Variants in LRP5 observed in about 807,000 individuals in gnomAD.
LRP5 encodes low-density lipoprotein receptor-related protein 5.
A neutral mutation model predicts 154.1 loss-of-function variants in LRP5; 62 were observed. The observed-to-expected ratio is 0.40, with a 90% CI of 0.33 to 0.50. LRP5 has a LOEUF of 0.50. Ranked by LOEUF, LRP5 falls within the 20% of genes least tolerant of loss-of-function variation. LRP5 has a pLI of 0.55. For missense variants in LRP5, 1,915 were observed against 2,336.7 expected (o/e 0.82, Z 3.72); for synonymous variants, 966 against 1,011.5 (o/e 0.96, Z 0.85).
At chr11:68,384,838 G>T (rs547454491) in intron 5 of LRP5, among the ~76,000 whole-genome samples, 1 of 152,228 alleles carries the variant, frequency 6.6e-6, no homozygotes, top group Non-Finnish European at 1.5e-5. Flanking sequence ...GGGGGTCTCC[G>T]TGCGTCCTGT....
At chr11:68,324,771 C>T (rs1425961677) in intron 1 of LRP5, among the ~76,000 whole-genome samples, 6 of 152,240 alleles carry the variant, frequency 3.9e-5, no homozygotes, top group Non-Finnish European at 8.8e-5. Context: ...CACTTGGCTT[C>T]CCAGTGTCGA....
intron 22 of LRP5, 49 bp downstream of exon 22, chr11:68,446,582 C>G (rs376141676): frequency 2.0e-6 from 3 of 1,491,102 alleles, no homozygotes; most frequent in Non-Finnish European, 1.9e-6. Context: ...CCCGCCAGCC[C>G]GTGGTGGAGG....
At chr11:68,339,351 T>C (rs558594934) in intron 1 of LRP5, among the ~76,000 whole-genome samples, 1 of 151,854 alleles carries the variant, frequency 6.6e-6, no homozygotes, top group East Asian at 1.9e-4. Flanking sequence ...CTGGCTAATT[T>C]TTTCTTTTTT....
chr11:68,325,072 C>T (rs1182170313), intron 1 of LRP5, among the ~76,000 whole-genome samples: 1 of 152,200 alleles, frequency 6.6e-6, no homozygotes, highest in Non-Finnish European at 1.5e-5. Flanking sequence ...GGACTATAGC[C>T]CAGAGCGGGA....
rs762600156 is a variant in LRP5 at position 68,423,623 on chromosome 11, C to T, written c.3162C>T (p.Ser1054=). The part of the protein sequence containing the change: ...ATNTINVHRL[S]GEAMGVVLRG... ...ATACCATCAACGTCCACAGGCTGAG[C>T]GGGGAAGCCATGGGGGTGGTGCTGC... The change falls in exon 14 of 23, where the codon AGC becomes AGT. Residue 1054 remains serine, a synonymous_variant. Coordinates refer to ENST00000294304, the MANE Select transcript of LRP5 (RefSeq NM_002335.4). The surrounding 1 kb of genome is among the most constrained non-coding windows in gnomAD (Gnocchi z 4.7). 8 of 1,614,134 alleles carry T rather than the reference C, an allele frequency of 5.0e-6. 1 individual carries two copies. The highest frequency in any genetic ancestry group is 2.2e-5 in the South Asian group (2 of 91,086).
intron 1 of LRP5, among the ~76,000 whole-genome samples, chr11:68,326,627 C>A (rs1359597138): frequency 6.6e-6 from 1 of 152,256 alleles, no homozygotes; most frequent in Admixed American, 6.5e-5. Flanking sequence ...CCAGATGGGG[C>A]CTCTGAAGTG....
At chr11:68,389,281 A>G (rs1159527357) in intron 6 of LRP5, among the ~76,000 whole-genome samples, 7 of 118,020 alleles carry the variant, frequency 5.9e-5, no homozygotes, top group African/African-American at 1.3e-4. Flanking sequence ...GACATTTACC[A>G]ACACTGACAT....
intron 17 of LRP5, among the ~76,000 whole-genome samples, chr11:68,432,978 G>A (rs2098672782): frequency 6.6e-6 from 1 of 152,236 alleles, no homozygotes; most frequent in South Asian, 2.1e-4. Flanking sequence ...CCCTCCCCGG[G>A]GGTGTCCTCA....
intron 21 of LRP5, among the ~76,000 whole-genome samples, chr11:68,441,297 C>A (rs773445537): frequency 1.3e-4 from 19 of 150,450 alleles, no homozygotes; most frequent in Non-Finnish European, 2.7e-4. Flanking sequence ...AGGCTGGTCT[C>A]CAACTCCTGG....
intron 5 of LRP5, among the ~76,000 whole-genome samples, chr11:68,372,218 G>A (rs1306422970): frequency 2.6e-5 from 4 of 151,904 alleles, no homozygotes; most frequent in African/African-American, 4.8e-5. Flanking sequence ...ACCCGGGACC[G>A]TGGCGGTGAG....
chr11:68,302,140 TGAG>T, the LRP5 span, among the ~76,000 whole-genome samples: 1 of 150,954 alleles, frequency 6.6e-6, no homozygotes, highest in African/African-American at 2.4e-5. Context: ...GCAGATCACT[TGAG>T]GTCAGGAGTT....
intron 7 of LRP5, among the ~76,000 whole-genome samples, chr11:68,391,328 C>T (rs749065710): frequency 1.4e-4 from 21 of 152,198 alleles, no homozygotes; most frequent in Non-Finnish European, 2.2e-4. Context: ...GTGTCCCCAT[C>T]GCACCATCGT....
chr11:68,354,357 G>T (rs571106536), intron 2 of LRP5, among the ~76,000 whole-genome samples: 3 of 152,286 alleles, frequency 2.0e-5, no homozygotes, highest in Admixed American at 2.0e-4. Flanking sequence ...TATGAAACTC[G>T]GGGAAGGAAT....
chr11:68,328,696 C>T (rs1240832046), intron 1 of LRP5, among the ~76,000 whole-genome samples: 2 of 152,262 alleles, frequency 1.3e-5, no homozygotes, highest in African/African-American at 4.8e-5. Flanking sequence ...GTCCCTGGAT[C>T]CGTGCGTTTG....
chr11:68,425,097 C>T lies in LRP5; in HGVS notation c.3237-5C>T, dbSNP rs376163277. The T allele has an allele frequency of 2.0e-4, 323 of 1,613,268 alleles. No individual in the cohort carries two copies. The highest frequency in any genetic ancestry group is 2.6e-4 in the Non-Finnish European group (301 of 1,179,888). On this transcript the variant is annotated splice_polypyrimidine_tract_variant and splice_region_variant and intron_variant, in intron 14 of 22. Transcript: ENST00000294304. Reference sequence around the variant, plus strand: ...ACCCGTCCTTCACCCGCCACCCTCCCGCAGGTACCTGTACTTCACCAACAT... The same window carrying T: ...ACCCGTCCTTCACCCGCCACCCTCCTGCAGGTACCTGTACTTCACCAACAT...
At chr11:68,409,854 A>T (rs1198803639) in intron 9 of LRP5, 60 bp from the exon 10 acceptor site, 16 of 1,368,580 alleles carry the variant, frequency 1.2e-5, no homozygotes, top group Non-Finnish European at 1.7e-5. Context: ...CCGTCTCAAA[A>T]AAAAAAAAAA....
intron 18 of LRP5, among the ~76,000 whole-genome samples, chr11:68,435,419 G>A (rs1213241084): frequency 6.6e-6 from 1 of 152,172 alleles, no homozygotes; most frequent in Non-Finnish European, 1.5e-5. Flanking sequence ...GTCTCAGGAA[G>A]CTTTGACTCA....
chr11:68,340,667 C>G (rs767879398), intron 1 of LRP5, among the ~76,000 whole-genome samples: 8 of 152,146 alleles, frequency 5.3e-5, no homozygotes, highest in Non-Finnish European at 1.0e-4. Flanking sequence ...TGGTCACTCT[C>G]AGCTGGAGAG....
chr11:68,445,610 T>TG (rs1181628332), intron 21 of LRP5: 1 of 1,317,650 alleles, frequency 7.6e-7, no homozygotes, highest in Admixed American at 2.3e-5. Flanking sequence ...AGGATGGCCT[T>TG]GGAGACCCAC....
Sources: gnomAD v4.1 joint callset for allele counts (sites outside exome capture counted in the v4.1 genomes callset) on GRCh38, gnomAD v4.1.1 for gene constraint, Gnocchi (gnomAD v3.1) non-coding constraint, MANE v1.5 for transcripts, NCBI Gene and HGNC (gene_info 2026-07-23, HGNC 2026-07-21) for gene names.